DNAH9: variants seen among roughly 807,000 people sequenced by gnomAD.
DNAH9 encodes the protein DNAH9 variant protein.
A neutral mutation model predicts 471.6 loss-of-function variants in DNAH9; 345 were observed. That is an observed-to-expected ratio of 0.73 (90% CI 0.67 to 0.80). DNAH9 has a LOEUF of 0.80. Ranked by LOEUF, DNAH9 falls within the 30% of genes least tolerant of loss-of-function variation. DNAH9 has a pLI of 0.00. For missense variants in DNAH9, 5,407 were observed against 5,609.2 expected (o/e 0.96, Z 1.15); for synonymous variants, 2,093 against 2,123.6 (o/e 0.99, Z 0.40).
At chr17:11,884,267 C>A in intron 56 of DNAH9, 1 of 202,580 alleles carries the variant, frequency 4.9e-6, no homozygotes, top group Non-Finnish European at 1.0e-5. Flanking sequence ...TGACACAGTG[C>A]CCTACTGTGT....
At chr17:11,632,748 C>G (rs769344843) in intron 8 of DNAH9, 45 bp downstream of exon 8, 1 of 911,542 alleles carries the variant, frequency 1.1e-6, no homozygotes, top group Non-Finnish European at 1.8e-6. Flanking sequence ...GGATACTCCC[C>G]CGGCCCTCAT....
chr17:11,821,286 CAAA>C (rs58010981), intron 45 of DNAH9, among the ~76,000 whole-genome samples: 69,623 of 123,254 alleles, frequency 0.56, 18,414 homozygotes, highest in East Asian at 0.65. Context: ...AACTCTATCT[CAAA>C]AAAAAAAAAA....
chr17:11,839,590 C>T (rs1033183314), intron 49 of DNAH9, among the ~76,000 whole-genome samples: 5 of 151,990 alleles, frequency 3.3e-5, no homozygotes, highest in African/African-American at 1.2e-4. Flanking sequence ...TTACTTTCCG[C>T]TTCAGCCCCT....
chr17:11,598,534 G>A lies in DNAH9; in HGVS notation c.36G>A (p.Ala12=). Residue 12 remains alanine, a synonymous_variant, in exon 1 of 69, where the codon GCG becomes GCA. Transcript: ENST00000262442. ...RLAEERAALA[A]ENADGEPGAD... is the part of the protein sequence containing the mutation. ...CGGAGGAGCGGGCCGCGCTCGCGGCGGAGAACGCGGATGGGGAACCCGGCG... is the reference window on the plus strand; with the variant it reads ...CGGAGGAGCGGGCCGCGCTCGCGGCAGAGAACGCGGATGGGGAACCCGGCG... 2 of 1,403,298 alleles carry A rather than the reference G, an allele frequency of 1.4e-6. No individual in the cohort carries two copies. The highest frequency in any genetic ancestry group is 3.0e-5 in the East Asian group (1 of 33,064). The allele number at this position is 1,403,298 out of a possible 1,614,324, so 86.9% of individuals were successfully genotyped here. A position where few individuals can be genotyped will look rare whatever the true frequency, so the allele number is the denominator to read the frequency against.
Position 11,705,028 on chromosome 17 carries a change from G to A in DNAH9, c.5395G>A (p.Asp1799Asn). The change falls in exon 26 of 69, where the codon GAC (aspartate) becomes AAC (asparagine). Residue 1799 changes from aspartate to asparagine, a missense_variant. Asp to Asn is a conservative substitution (Grantham distance 23). Transcript: ENST00000262442. ...TACTCTACCACTCTCTCTTTAGGTA[G>A]ACAATGCCCAGGCTTTCCTCTGGCT... ...VVAKMIAQKV[D>N]NAQAFLWLSQ... The A allele has an allele frequency of 6.2e-7, 1 of 1,614,062 alleles. No homozygotes were observed. The highest frequency in any genetic ancestry group is 8.5e-7 in the Non-Finnish European group (1 of 1,179,920).
chr17:11,945,980 G>GT (rs1185496808), intron 67 of DNAH9, among the ~76,000 whole-genome samples: 1 of 151,652 alleles, frequency 6.6e-6, no homozygotes, highest in Admixed American at 6.6e-5. Context: ...GGGCGGATCA[G>GT]TTGAGGTCAG....
chr17:11,608,393 C>T, intron 2 of DNAH9, 68 bp downstream of exon 2: 1 of 1,268,232 alleles, frequency 7.9e-7, no homozygotes, highest in South Asian at 1.3e-5. Flanking sequence ...AGAATGTTTT[C>T]CTTACAACTT....
intron 28 of DNAH9, among the ~76,000 whole-genome samples, chr17:11,729,001 AAAT>A (rs1241015366): frequency 6.6e-6 from 1 of 152,148 alleles, no homozygotes; most frequent in Admixed American, 6.5e-5. Flanking sequence ...CCAGAGGAGA[AAAT>A]AAGGCCAGAG....
In DNAH9 at chr17:11,881,304, T is replaced by C; in HGVS notation, c.10697T>C (p.Leu3566Pro). ...KLANPHYQPE[L>P]QAQATLINFT... Reference sequence around the variant, plus strand: ...GCTAATCCTCACTACCAGCCTGAGCTGCAGGCTCAGGCCACCCTGATCAAC... The same window carrying C: ...GCTAATCCTCACTACCAGCCTGAGCCGCAGGCTCAGGCCACCCTGATCAAC... Residue 3566 changes from leucine (L) to proline (P), a missense_variant, in exon 55 of 69, where the codon CTG (leucine) becomes CCG (proline). This residue lies in a region of DNAH9 where 4,636 missense variants were observed against 4,900.3 expected (regional missense o/e 0.95). Transcript: ENST00000262442. 6.2e-7 allele frequency: 1 copy of C among 1,614,146 alleles called. No individual in the cohort carries two copies.
chr17:11,700,986 T>G, intron 23 of DNAH9, 136 bp from the exon 24 acceptor site: 1 of 871,346 alleles, frequency 1.1e-6, no homozygotes, highest in South Asian at 1.6e-5. Flanking sequence ...TCTCTGCACC[T>G]TCTGGCAGCC....
chr17:11,714,789 CTG>C (rs1217479870), intron 26 of DNAH9, among the ~76,000 whole-genome samples: 1 of 152,110 alleles, frequency 6.6e-6, no homozygotes, highest in Non-Finnish European at 1.5e-5. Context: ...GTGGTAGGGG[CTG>C]TGTACAAGGT....
chr17:11,880,772 C>G (rs1054138399), intron 54 of DNAH9, among the ~76,000 whole-genome samples: 4 of 152,122 alleles, frequency 2.6e-5, no homozygotes, highest in African/African-American at 9.7e-5. Context: ...TTACTGTCCT[C>G]AAGTCGTGCT....
rs35385819 is a variant in DNAH9 at position 11,803,379 on chromosome 17, G to GGTGTGTGT, written c.8421-4339_8421-4332dup. Among the ~76,000 whole-genome samples the GGTGTGTGT allele has an allele frequency of 2.7e-5, 4 of 150,544 alleles. No homozygotes were observed. The South Asian group carries it at 8.5e-4, about 32-fold the overall frequency. On this transcript the variant is annotated intron_variant, in intron 43 of 68. Coordinates refer to ENST00000262442, the MANE Select transcript of DNAH9 (RefSeq NM_001372.4). The stretch of plus-strand genomic sequence containing the variant: ...CTGAGAATCTTACCCATTCTCTAGG[G>GGTGTGTGT]GTGTGTGTGTGTGTGTGTGTGCGCT...
intron 26 of DNAH9, among the ~76,000 whole-genome samples, chr17:11,709,634 A>T (rs1241981933): frequency 3.9e-5 from 6 of 152,200 alleles, no homozygotes; most frequent in Non-Finnish European, 7.3e-5. Context: ...GAATATATAA[A>T]TAGGTGCGAT....
intron 59 of DNAH9, among the ~76,000 whole-genome samples, chr17:11,899,764 C>G (rs1268197416): frequency 6.6e-6 from 1 of 152,118 alleles, no homozygotes; most frequent in East Asian, 1.9e-4. Flanking sequence ...AGCTCCTCGG[C>G]ACAGAGAGAA....
intron 45 of DNAH9, among the ~76,000 whole-genome samples, chr17:11,817,016 G>A (rs538907185): frequency 5.9e-5 from 9 of 151,924 alleles, no homozygotes; most frequent in Admixed American, 3.3e-4. Context: ...CCGAGATCGC[G>A]CCACTGCATT....
intron 48 of DNAH9, among the ~76,000 whole-genome samples, chr17:11,831,553 C>T (rs1402163905): frequency 6.6e-6 from 1 of 152,100 alleles, no homozygotes; most frequent in Non-Finnish European, 1.5e-5. Context: ...AATATCCAGA[C>T]TATAACAGTC....
At position 11,694,323 on chromosome 17, in the gene DNAH9, T is replaced by C. The variant is rs752935306; in HGVS notation, c.4748T>C (p.Leu1583Ser). The C allele has an allele frequency of 6.2e-7, 1 of 1,613,994 alleles. No individual in the cohort carries two copies. The highest frequency in any genetic ancestry group is 1.1e-5 in the South Asian group (1 of 91,060). ...AATTCTATGTTCTGTGCCCTCAGAT[T>C]GTGCCTGTGTGAGAAGGCCCTGGCA... is the stretch of plus-strand genomic sequence containing the variant. ...YEKLEDIQGR[L>S]CLCEKALAEY... is the part of the protein sequence containing the mutation. Residue 1583 changes from leucine (L) to serine (S), a missense_variant and splice_region_variant, in exon 22 of 69, where the codon TTG becomes TCG. Physicochemically the swap from Leu to Ser is moderately radical, Grantham distance 145. Transcript: ENST00000262442.
intron 7 of DNAH9, among the ~76,000 whole-genome samples, chr17:11,629,899 G>A (rs1330565089): frequency 6.6e-6 from 1 of 152,176 alleles, no homozygotes; most frequent in African/African-American, 2.4e-5. Flanking sequence ...TGGCCACCCT[G>A]TGGCTTCAAA....
Sources: gnomAD v4.1 joint callset for allele counts (sites outside exome capture counted in the v4.1 genomes callset) on GRCh38, gnomAD v4.1.1 for gene constraint, gnomAD v4.1.1 regional missense constraint, MANE v1.5 for transcripts, NCBI Gene and HGNC (gene_info 2026-07-23, HGNC 2026-07-21) for gene names.